The following B3GALT1 variants were observed in gnomAD, a reference collection of about 807,000 sequenced individuals.
B3GALT1 encodes the protein UDP-Gal:betaGlcNAc beta 1,3-galactosyltransferase, polypeptide 1.
B3GALT1 carries 10 observed loss-of-function variants against 23.2 expected under a neutral mutation model. The observed-to-expected ratio is 0.43, with a 90% CI of 0.27 to 0.73. The LOEUF (loss-of-function observed/expected upper bound fraction) is 0.73. Among genes scored for constraint, B3GALT1 ranks in the 30% least tolerant of loss-of-function variants. The pLI, the probability that B3GALT1 is intolerant of heterozygous loss-of-function variation, is 0.21. For missense variants in B3GALT1, 299 were observed against 405.4 expected (o/e 0.74, Z 2.25); for synonymous variants, 156 against 141.5 (o/e 1.10, Z -0.73).
At chr2:167,777,869 T>A (rs780072380) in intron 3 of B3GALT1, among the ~76,000 whole-genome samples, 1 of 152,024 alleles carries the variant, frequency 6.6e-6, no homozygotes, top group African/African-American at 2.4e-5. Flanking sequence ...TTTTTTGCCC[T>A]CAGGGGACAT....
chr2:167,436,981 G>A (rs1204892264), intron 1 of B3GALT1, among the ~76,000 whole-genome samples: 1 of 152,194 alleles, frequency 6.6e-6, no homozygotes, highest in African/African-American at 2.4e-5. Flanking sequence ...GAGGCGGGGA[G>A]CAATGTTAAA....
chr2:167,426,420 G>A (rs1698625523), intron 1 of B3GALT1, among the ~76,000 whole-genome samples: 2 of 151,792 alleles, frequency 1.3e-5, no homozygotes, highest in Non-Finnish European at 2.9e-5. Context: ...GACTACAGGC[G>A]CCCACCACCA....
chr2:167,559,172 A>G (rs1683915312), intron 2 of B3GALT1, among the ~76,000 whole-genome samples: 1 of 152,162 alleles, frequency 6.6e-6, no homozygotes, highest in Non-Finnish European at 1.5e-5. Context: ...TGTTCTGCAG[A>G]CACCGCTGCT....
chr2:167,693,299 G>A (rs902328268), intron 3 of B3GALT1, among the ~76,000 whole-genome samples: 1 of 152,080 alleles, frequency 6.6e-6, no homozygotes, highest in African/African-American at 2.4e-5. Flanking sequence ...AGCAGATGTT[G>A]CACCAGATGC....
rs77021160 is a variant in B3GALT1, at chr2:167,660,784, A to G, written c.-352+13818A>G. On this transcript the variant is annotated intron_variant, in intron 3 of 4. Coordinates refer to ENST00000392690, the MANE Select transcript of B3GALT1 (RefSeq NM_020981.4). ...TTCTTTAGCTTATCAAACGATTTTC[A>G]CATAACTATAGGTTGACAGTGATTG... 3.4e-3 allele frequency among the ~76,000 whole-genome samples: 519 copies of G among 152,230 alleles called. 5 individuals carry two copies. The highest frequency in any genetic ancestry group is 0.011 in the African/African-American group (465 of 41,562).
In B3GALT1 at chr2:167,788,565, C is replaced by T. The variant is rs542559022; in HGVS notation, c.-351-30107C>T. ...TCATGTTCCTATGAGAATCTAATGT[C>T]ACTTCTGATCTGACAGGAGGAGGAG... On this transcript the variant is annotated intron_variant, in intron 3 of 4. Coordinates refer to ENST00000392690, the MANE Select transcript of B3GALT1 (RefSeq NM_020981.4). Among the ~76,000 whole-genome samples the T allele has an allele frequency of 3.9e-5, 6 of 152,080 alleles. No homozygotes were observed. In the South Asian group the frequency reaches 1.2e-3, roughly 32 times the overall value.
At chr2:167,647,907 A>T (rs1685776905) in intron 3 of B3GALT1, among the ~76,000 whole-genome samples, 1 of 152,136 alleles carries the variant, frequency 6.6e-6, no homozygotes, top group African/African-American at 2.4e-5. Flanking sequence ...CTCCTCAAGC[A>T]TTTATCCTTT....
chr2:167,324,300 A>T (rs1265519383), intron 1 of B3GALT1, among the ~76,000 whole-genome samples: 1 of 151,910 alleles, frequency 6.6e-6, no homozygotes, highest in East Asian at 1.9e-4. Context: ...TTTATTTAAA[A>T]TTTTCCAGGT....
In B3GALT1 at chr2:167,868,951, T is replaced by C; in HGVS notation, c.-89T>C. On this transcript the variant is annotated 5_prime_UTR_variant, in exon 5 of 5. Transcript: ENST00000392690. ...TTCTCTATCAAACTTGAAGATTTAT[T>C]AGTAATATGCTGCCTTTGGAAGATG... is the stretch of plus-strand genomic sequence containing the variant. 1 of 1,430,136 alleles carries C rather than the reference T, an allele frequency of 7.0e-7. No homozygotes were observed. The highest frequency in any genetic ancestry group is 9.4e-7 in the Non-Finnish European group (1 of 1,060,180). 88.6% of individuals were successfully genotyped at this position (1,430,136 alleles called of 1,614,324 possible).
intron 1 of B3GALT1, among the ~76,000 whole-genome samples, chr2:167,350,176 C>T (rs1166254680): frequency 6.6e-6 from 1 of 152,122 alleles, no homozygotes; most frequent in Non-Finnish European, 1.5e-5. Context: ...TGCCCAGAAT[C>T]ATAATGCTAA....
chr2:167,781,475 A>C (rs1574259494), intron 3 of B3GALT1, among the ~76,000 whole-genome samples: 1 of 152,212 alleles, frequency 6.6e-6, no homozygotes, highest in African/African-American at 2.4e-5. Flanking sequence ...ACATTTAATA[A>C]GGCACACTGT....
At chr2:167,696,247 G>T (rs1000039764) in intron 3 of B3GALT1, among the ~76,000 whole-genome samples, 11 of 140,902 alleles carry the variant, frequency 7.8e-5, no homozygotes, top group African/African-American at 2.9e-4. Context: ...TTTATTAGTT[G>T]TGAGACCTTA....
intron 3 of B3GALT1, among the ~76,000 whole-genome samples, chr2:167,755,128 G>A (rs887764702): frequency 3.3e-5 from 5 of 152,108 alleles, no homozygotes; most frequent in African/African-American, 9.7e-5. Context: ...AAAATTCGAA[G>A]CATAGTTTCC....
chr2:167,303,704 C>T (rs1446397733), intron 1 of B3GALT1, among the ~76,000 whole-genome samples: 1 of 149,350 alleles, frequency 6.7e-6, no homozygotes, highest in African/African-American at 2.5e-5. Context: ...TTGTTGCTGC[C>T]ATTTTACTGG....
intron 1 of B3GALT1, among the ~76,000 whole-genome samples, chr2:167,429,342 G>A (rs959216668): frequency 2.0e-5 from 3 of 151,486 alleles, no homozygotes; most frequent in African/African-American, 7.3e-5. Flanking sequence ...GGGAGCAGAA[G>A]CTTTTGGAAA....
chr2:167,388,761 A>G (rs888802389), intron 1 of B3GALT1, among the ~76,000 whole-genome samples: 3 of 152,202 alleles, frequency 2.0e-5, no homozygotes, highest in Non-Finnish European at 2.9e-5. Flanking sequence ...CAATAGAAGG[A>G]TTTGTTTAAA....
chr2:167,448,652 G>A (rs1322580615), intron 1 of B3GALT1, among the ~76,000 whole-genome samples: 1 of 151,992 alleles, frequency 6.6e-6, no homozygotes, highest in Non-Finnish European at 1.5e-5. Flanking sequence ...TGTTTTTGTT[G>A]TATTTGCTTT....
intron 3 of B3GALT1, among the ~76,000 whole-genome samples, chr2:167,741,983 T>C (rs1687583110): frequency 6.6e-6 from 1 of 152,194 alleles, no homozygotes; most frequent in African/African-American, 2.4e-5. Context: ...AACTTTCAAT[T>C]TGCCCTTACT....
intron 3 of B3GALT1, among the ~76,000 whole-genome samples, chr2:167,693,878 T>G (rs189326394): frequency 6.6e-6 from 1 of 152,282 alleles, no homozygotes; most frequent in Admixed American, 6.5e-5. Context: ...ACACAGAGGC[T>G]TAACACAATT....
Sources: gnomAD v4.1 joint callset for allele counts (sites outside exome capture counted in the v4.1 genomes callset) on GRCh38, gnomAD v4.1.1 for gene constraint, MANE v1.5 for transcripts, NCBI Gene and HGNC (gene_info 2026-07-23, HGNC 2026-07-21) for gene names.